The following PDS5B variants were observed in gnomAD, a reference collection of about 807,000 sequenced individuals.
The protein encoded by PDS5B is sister chromatid cohesion protein PDS5 homolog B.
A neutral mutation model predicts 184.1 loss-of-function variants in PDS5B; 51 were observed. The observed-to-expected ratio is 0.28, with a 90% confidence interval of 0.22 to 0.35. The LOEUF is 0.35. PDS5B is among the 10% of genes least tolerant of loss of function. PDS5B has a pLI of 1.00. For synonymous variants in PDS5B, 566 were observed against 569.2 expected, an observed-to-expected ratio of 0.99 and a Z score of 0.08; for missense variants, 1,180 against 1,723.3, an observed-to-expected ratio of 0.68 and a Z score of 5.58.
rs1954997727 is a variant in PDS5B at position 32,777,801 on chromosome 13, T to A, written c.*2749T>A. 1 of 152,416 alleles carries A rather than the reference T, an allele frequency of 6.6e-6. No homozygotes were observed. Among genetic ancestry groups the A allele is most frequent in the Non-Finnish European group, 1.5e-5 (1 of 67,862 alleles). The allele number at this position is 152,416 out of a possible 1,614,324, so 9.4% of individuals were successfully genotyped here. On this transcript the variant is annotated 3_prime_UTR_variant, in exon 35 of 35. Coordinates refer to ENST00000315596, the MANE Select transcript of PDS5B (RefSeq NM_015032.4). ...TTATTCCAGGTATTAAAGGTTAAAT[T>A]GCTTTCTATATCTTCTTATAACTTG...
chr13:32,596,969 G>A (rs2057884646), intron 1 of PDS5B, among the ~76,000 whole-genome samples: 2 of 151,938 alleles, frequency 1.3e-5, no homozygotes, highest in African/African-American at 4.8e-5. Flanking sequence ...TTTGATGAGT[G>A]GAAGTTTTAA....
intron 1 of PDS5B, among the ~76,000 whole-genome samples, chr13:32,599,678 G>C (rs992539384): frequency 6.6e-6 from 1 of 151,558 alleles, no homozygotes; most frequent in Non-Finnish European, 1.5e-5. Context: ...ACTTTGGGAG[G>C]CCAAGGCGGA....
chr13:32,741,382 C>T (rs1273525687), intron 22 of PDS5B, among the ~76,000 whole-genome samples: 20 of 152,038 alleles, frequency 1.3e-4, no homozygotes. Context: ...AAGCTGTTTC[C>T]CTGATGGCAA....
Position 32,687,177 on chromosome 13 carries a change from A to G in PDS5B, c.1247A>G (p.Tyr416Cys). ...GCCATGATGGGACTTGCCCAAATTT[A>G]TAAGAAATATGCTTTACAGTCAGCA... is the stretch of plus-strand genomic sequence containing the variant. ...KEAMMGLAQI[Y>C]KKYALQSAAG... The change falls in exon 12 of 35, where the codon TAT becomes TGT. Residue 416 changes from tyrosine (Y) to cysteine (C), a missense_variant. By Grantham distance (194) the Tyr-to-Cys change is radical. Transcript: ENST00000315596. The G allele has an allele frequency of 6.2e-7, 1 of 1,607,026 alleles. No homozygotes were observed. Among genetic ancestry groups the G allele is most frequent in the East Asian group, 2.2e-5 (1 of 44,748 alleles).
At position 32,659,163 on chromosome 13, in the gene PDS5B, C is replaced by A; in HGVS notation, c.507C>A (p.His169Gln). Reference protein sequence around the residue: ...RTLFSVINNGHNQKVHMHMVD... With the variant: ...RTLFSVINNGQNQKVHMHMVD... The stretch of plus-strand genomic sequence containing the variant: ...CTGTTTTGAATTGCAGCAATGGCCA[C>A]AATCAGAAAGTCCATATGCACATGG... The change falls in exon 6 of 35, where the codon CAC becomes CAA. Residue 169 changes from histidine to glutamine, a missense_variant. Coordinates refer to ENST00000315596, the MANE Select transcript of PDS5B (RefSeq NM_015032.4). 2 of 1,553,478 alleles carry A rather than the reference C, an allele frequency of 1.3e-6. No homozygotes were observed. The highest frequency in any genetic ancestry group is 1.3e-5 in the South Asian group (1 of 79,388).
Position 32,773,186 on chromosome 13 carries a change from T to C in PDS5B, c.4173-3T>C. On this transcript the variant is annotated splice_region_variant and splice_polypyrimidine_tract_variant and intron_variant, in intron 33 of 34. Coordinates refer to ENST00000315596, the MANE Select transcript of PDS5B (RefSeq NM_015032.4). Reference sequence around the variant, plus strand: ...ATTGTGTTTTACATGTGTTTTACTCTAGCCGTGTAGGACGCTCCAAACAAG... The same window carrying C: ...ATTGTGTTTTACATGTGTTTTACTCCAGCCGTGTAGGACGCTCCAAACAAG... 4 of 1,599,322 alleles carry C rather than the reference T, an allele frequency of 2.5e-6. No individual in the cohort carries two copies. The highest frequency in any genetic ancestry group is 1.1e-5 in the South Asian group (1 of 87,756).
At chr13:32,691,822 G>A (rs1036149206) in intron 13 of PDS5B, among the ~76,000 whole-genome samples, 2 of 152,084 alleles carry the variant, frequency 1.3e-5, no homozygotes, top group African/African-American at 4.8e-5. Context: ...CCTACCAGTG[G>A]TTTATGGATT....
chr13:32,705,325 A>G (rs1368425942), intron 17 of PDS5B, among the ~76,000 whole-genome samples: 1 of 152,162 alleles, frequency 6.6e-6, no homozygotes, highest in Admixed American at 6.5e-5. Context: ...TATGGAAAGG[A>G]TTCAGATTGA....
At chr13:32,702,718 A>G (rs533942726) in intron 17 of PDS5B, among the ~76,000 whole-genome samples, 6 of 152,328 alleles carry the variant, frequency 3.9e-5, no homozygotes, top group African/African-American at 1.2e-4. Flanking sequence ...AATGATTGCC[A>G]TCTATTTATA....
intron 1 of PDS5B, among the ~76,000 whole-genome samples, chr13:32,623,850 T>G (rs1277840916): frequency 6.6e-6 from 1 of 152,066 alleles, no homozygotes; most frequent in East Asian, 1.9e-4. Flanking sequence ...TCTGGCTCTC[T>G]CGCCAGGCTG....
chr13:32,598,924 C>T (rs138753418), intron 1 of PDS5B, among the ~76,000 whole-genome samples: 2,724 of 151,886 alleles, frequency 0.018, 26 homozygotes, highest in South Asian at 0.028. Context: ...GCGCCTGCCA[C>T]GGCGCCCAGC....
chr13:32,678,774 A>G, intron 9 of PDS5B, 61 bp from the exon 10 acceptor site: 1 of 960,262 alleles, frequency 1.0e-6, no homozygotes, highest in Non-Finnish European at 1.7e-6. Context: ...TTGGGTACAG[A>G]TTTAACACAT....
intron 19 of PDS5B, among the ~76,000 whole-genome samples, chr13:32,714,230 T>G (rs1195900712): frequency 6.6e-6 from 1 of 152,180 alleles, no homozygotes; most frequent in Non-Finnish European, 1.5e-5. Flanking sequence ...TAATGAAGTT[T>G]CGGGCACCAT....
chr13:32,587,202 C>T (rs2057700344), intron 1 of PDS5B, among the ~76,000 whole-genome samples: 1 of 151,040 alleles, frequency 6.6e-6, no homozygotes, highest in Non-Finnish European at 1.5e-5. Flanking sequence ...CGCCGCCTGG[C>T]CTCCGCTTCG....
chr13:32,763,866 G>A (rs916729078), intron 30 of PDS5B, among the ~76,000 whole-genome samples: 2 of 152,262 alleles, frequency 1.3e-5, no homozygotes, highest in East Asian at 3.9e-4. Context: ...AGAACTCAGC[G>A]TAGCTGGACC....
At chr13:32,683,273 T>C (rs963202409) in intron 10 of PDS5B, among the ~76,000 whole-genome samples, 2 of 151,728 alleles carry the variant, frequency 1.3e-5, no homozygotes, top group South Asian at 4.1e-4. Flanking sequence ...CCTCCCAAAG[T>C]GCTGGGATTA....
At chr13:32,645,766 A>G (rs894144306) in intron 1 of PDS5B, among the ~76,000 whole-genome samples, 1 of 152,188 alleles carries the variant, frequency 6.6e-6, no homozygotes, top group Admixed American at 6.5e-5. Flanking sequence ...TTATGTCTTT[A>G]GCTCTATATG....
At chr13:32,722,781 A>G (rs4281583) in intron 19 of PDS5B, among the ~76,000 whole-genome samples, 58,943 of 152,108 alleles carry the variant, frequency 0.39, 11,941 homozygotes, top group Non-Finnish European at 0.45. Flanking sequence ...GGAAGAAGTA[A>G]TGTTAAGAGG....
intron 20 of PDS5B, among the ~76,000 whole-genome samples, chr13:32,733,571 A>C (rs1288244148): frequency 6.6e-6 from 1 of 152,188 alleles, no homozygotes; most frequent in East Asian, 1.9e-4. Context: ...ATGAAGCCTC[A>C]CATTGCCCTA....
Sources: gnomAD v4.1 joint callset for allele counts (sites outside exome capture counted in the v4.1 genomes callset) on GRCh38, gnomAD v4.1.1 for gene constraint, MANE v1.5 for transcripts, NCBI Gene and HGNC (gene_info 2026-07-23, HGNC 2026-07-21) for gene names.